UBLCP1: variants seen among roughly 807,000 people sequenced by gnomAD.
UBLCP1 encodes the protein ubiquitin like domain containing CTD phosphatase 1.
A neutral mutation model predicts 42.4 loss-of-function variants in UBLCP1; 28 were observed. The observed-to-expected ratio is 0.66, with a 90% CI of 0.49 to 0.90. The LOEUF (loss-of-function observed/expected upper bound fraction) is 0.90, where lower values mean the gene tolerates loss of function less well. UBLCP1 is among the 40% of genes least tolerant of loss of function. UBLCP1 has a pLI of 0.00. For missense variants in UBLCP1, 279 were observed against 374.5 expected (o/e 0.75, Z 2.10); for synonymous variants, 122 against 120.8 (o/e 1.01, Z -0.07).
intron 5 of UBLCP1, among the ~76,000 whole-genome samples, chr5:159,271,316 G>A (rs368360418): frequency 1.3e-5 from 2 of 151,820 alleles, no homozygotes; most frequent in Non-Finnish European, 2.9e-5. Flanking sequence ...AAAAATACTC[G>A]CTGGATGTGG....
chr5:159,284,936 AAGTTATACTGGC>A lies in UBLCP1; in HGVS notation c.*12_*23del, dbSNP rs1206842040. ...TCAAAGAAGCAAGGACAGTAGTTACAAGTTATACTGGCAGTTATTGAAGATACTTAAGATCCA... is the reference window on the plus strand; with the variant it reads ...TCAAAGAAGCAAGGACAGTAGTTACAAGTTATTGAAGATACTTAAGATCCA... On this transcript the variant is annotated 3_prime_UTR_variant, in exon 11 of 11. Coordinates refer to ENST00000296786, the MANE Select transcript of UBLCP1 (RefSeq NM_145049.5). The A allele has an allele frequency of 6.2e-7, 1 of 1,612,424 alleles. No homozygotes were observed. The highest frequency in any genetic ancestry group is 1.7e-5 in the Admixed American group (1 of 59,936).
Position 159,275,319 on chromosome 5 carries a change from T to C in UBLCP1, c.684+73T>C, listed in dbSNP as rs899853177. 5.1e-6 allele frequency: 6 copies of C among 1,167,450 alleles called. No homozygotes were observed. The Admixed American group carries it at 9.4e-5, about 18-fold the overall frequency. The allele number at this position is 1,167,450 out of a possible 1,614,324, so 72.3% of individuals were successfully genotyped here. ...AGTGTACTTTTTATGTTTATACCTA[T>C]GGAGTAAATAGTGTAGAGATTCATC... On this transcript the variant is annotated intron_variant, in intron 8 of 10. Transcript: ENST00000296786.
chr5:159,279,998 T>C (rs1183473904), intron 9 of UBLCP1, among the ~76,000 whole-genome samples: 1 of 152,206 alleles, frequency 6.6e-6, no homozygotes, highest in African/African-American at 2.4e-5. Flanking sequence ...TCCATTCATC[T>C]CTTGATGCAG....
chr5:159,274,532 TAAAGAAA>T, intron 6 of UBLCP1, 46 bp from the exon 7 acceptor site: 1 of 1,521,486 alleles, frequency 6.6e-7, no homozygotes, highest in Admixed American at 1.9e-5. Flanking sequence ...AGATTTTTTT[TAAAGAAA>T]TTCAAGCTTT....
chr5:159,281,612 C>G (rs1291211862), intron 9 of UBLCP1, among the ~76,000 whole-genome samples: 1 of 152,196 alleles, frequency 6.6e-6, no homozygotes, highest in East Asian at 1.9e-4. Flanking sequence ...GTGGAGGTCA[C>G]TGGCACCAAG....
Position 159,269,016 on chromosome 5 carries a change from C to G in UBLCP1, c.101C>G (p.Thr34Ser). The G allele has an allele frequency of 1.9e-6, 3 of 1,607,612 alleles. No individual in the cohort carries two copies. Among genetic ancestry groups the G allele is most frequent in the Non-Finnish European group, 2.5e-6 (3 of 1,177,724 alleles). The change falls in exon 2 of 11, where the codon ACC becomes AGC. Residue 34 changes from threonine (T) to serine (S), a missense_variant. By Grantham distance (58) the Thr-to-Ser change is moderately conservative (BLOSUM62 1). Transcript: ENST00000296786. ...CTCGATCTCAAACAGTTTCTCAAGA[C>G]CCTTACAGGAGTTCTTCCAGAACGC... is the stretch of plus-strand genomic sequence containing the variant. Reference protein sequence around the residue: ...TVLDLKQFLKTLTGVLPERQK... With the variant: ...TVLDLKQFLKSLTGVLPERQK...
intron 1 of UBLCP1, among the ~76,000 whole-genome samples, chr5:159,267,716 T>C (rs193070979): frequency 6.6e-6 from 1 of 152,338 alleles, no homozygotes; most frequent in East Asian, 1.9e-4. Context: ...GGGGTGGTCT[T>C]TCCCATGCTA....
intron 9 of UBLCP1, among the ~76,000 whole-genome samples, chr5:159,282,211 CTT>C (rs1375446165): frequency 6.6e-6 from 1 of 152,094 alleles, no homozygotes; most frequent in Non-Finnish European, 1.5e-5. Context: ...GAAAGACTAT[CTT>C]GAGTTGTATA....
chr5:159,276,926 A>G (rs1753544845), intron 8 of UBLCP1, among the ~76,000 whole-genome samples: 1 of 152,060 alleles, frequency 6.6e-6, no homozygotes, highest in Non-Finnish European at 1.5e-5. Context: ...CAGTATTTTC[A>G]TGTTTTTTTT....
At chr5:159,269,314 G>A (rs749432440) in intron 2 of UBLCP1, among the ~76,000 whole-genome samples, 9 of 152,188 alleles carry the variant, frequency 5.9e-5, no homozygotes, top group Non-Finnish European at 1.0e-4. Context: ...TAGACAGTCA[G>A]TATTTGCTTG....
chr5:159,269,141 T>A, intron 2 of UBLCP1, 72 bp downstream of exon 2: 1 of 1,130,382 alleles, frequency 8.8e-7, no homozygotes, highest in Non-Finnish European at 1.2e-6. Context: ...TTATTTTGAA[T>A]ATAATTGTTT....
At position 159,269,959 on chromosome 5, in the gene UBLCP1, AT is replaced by A. The variant is rs1479534493; in HGVS notation, c.207del (p.Asn69LysfsTer5). 1 of 1,612,878 alleles carries A rather than the reference AT, an allele frequency of 6.2e-7. No homozygotes were observed. Among genetic ancestry groups the A allele is most frequent in the East Asian group, 2.2e-5 (1 of 44,786 alleles). On this transcript the variant is annotated frameshift_variant, in exon 3 of 11. Transcript: ENST00000296786. LOFTEE classifies it high-confidence loss of function. Reference protein sequence around the residue: ...VKLGALKLKPNTKIMMMGTRE... With the variant: ...VKLGALKLKPXTKIMMMGTRE... ...CTTGGAGCTCTCAAACTGAAACCAA[AT>A]ACTAAAATCATGATGATGGGAACTC...
At chr5:159,275,481 C>T (rs1584740087) in intron 8 of UBLCP1, 3 of 277,190 alleles carry the variant, frequency 1.1e-5, no homozygotes, top group Middle Eastern at 1.3e-3. Flanking sequence ...GGTGCAATCT[C>T]GCTCACGCAA....
chr5:159,280,967 G>T (rs1237031456), intron 9 of UBLCP1, among the ~76,000 whole-genome samples: 1 of 152,188 alleles, frequency 6.6e-6, no homozygotes, highest in Non-Finnish European at 1.5e-5. Flanking sequence ...CCTGAGACAA[G>T]ATGATGGTTT....
rs746381775 is a variant in UBLCP1 at position 159,270,442 on chromosome 5, A to C, written c.329A>C (p.Asn110Thr). 6.2e-7 allele frequency: 1 copy of C among 1,613,064 alleles called. No homozygotes were observed. The change falls in exon 4 of 11, where the codon AAT becomes ACT. Residue 110 changes from asparagine (N) to threonine (T), a missense_variant. Physicochemically the swap from Asn to Thr is moderately conservative, Grantham distance 65. Coordinates refer to ENST00000296786, the MANE Select transcript of UBLCP1 (RefSeq NM_145049.5). ...GAAGATGAAGTAGTTGAAGTAGAAA[A>C]TAGGTAAGTGCTTTTCGCTTTAGAA... ...DIEDEVVEVENREENLLKISR... is the reference protein window; with the variant it reads ...DIEDEVVEVETREENLLKISR...
chr5:159,282,401 T>A (rs1399231539), intron 9 of UBLCP1, among the ~76,000 whole-genome samples: 3 of 151,906 alleles, frequency 2.0e-5, no homozygotes, highest in Non-Finnish European at 2.9e-5. Context: ...TATTACCATC[T>A]TGATTTATAG....
rs1753511432 is a variant in UBLCP1, at chr5:159,274,622, A to G, written c.585A>G (p.Lys195=). The stretch of plus-strand genomic sequence containing the variant: ...TGAAGTGGATTGAAGCTAAAATGAA[A>G]GTAAGTGTTAGAAAGCAATCCATTT... The part of the protein sequence containing the change: ...TNMKWIEAKM[K]ELGVSTNANY... Residue 195 remains lysine (K), a splice_region_variant and synonymous_variant, in exon 7 of 11, where the codon AAA becomes AAG. Transcript: ENST00000296786. The G allele has an allele frequency of 6.2e-7, 1 of 1,610,274 alleles. No individual in the cohort carries two copies. The highest frequency in any genetic ancestry group is 8.5e-7 in the Non-Finnish European group (1 of 1,177,908).
intron 6 of UBLCP1, 61 bp from the exon 7 acceptor site, chr5:159,274,524 A>ATT: frequency 6.8e-7 from 1 of 1,479,008 alleles, no homozygotes; most frequent in Non-Finnish European, 9.3e-7. Context: ...ACTTATACAG[A>ATT]TTTTTTTTAA....
In UBLCP1 at chr5:159,285,196, C is replaced by CCACACACA. The variant is rs70987962; in HGVS notation, c.*306_*313dup. 1,244 of 251,944 alleles carry CCACACACA rather than the reference C, an allele frequency of 4.9e-3. 26 individuals are homozygous for CCACACACA. Among genetic ancestry groups the CCACACACA allele is most frequent in the Admixed American group, 9.4e-3 (148 of 15,730 alleles). The allele number at this position is 251,944 out of a possible 1,614,324, so 15.6% of individuals were successfully genotyped here. ...GGTTACTGACCACCCCACCCTCCCA[C>CCACACACA]CACACACACACACACACACACACAC... On this transcript the variant is annotated 3_prime_UTR_variant, in exon 11 of 11. Coordinates refer to ENST00000296786, the MANE Select transcript of UBLCP1 (RefSeq NM_145049.5).
Sources: gnomAD v4.1 joint callset for allele counts (sites outside exome capture counted in the v4.1 genomes callset) on GRCh38, gnomAD v4.1.1 for gene constraint, MANE v1.5 for transcripts, NCBI Gene and HGNC (gene_info 2026-07-23, HGNC 2026-07-21) for gene names.